The following TEX26 variants were observed in gnomAD, a reference collection of about 807,000 sequenced individuals.
TEX26 encodes the protein testis expressed 26.
Under a neutral mutation model 35.3 loss-of-function variants are expected in TEX26, and 34 were observed. The observed-to-expected ratio is 0.96, with a 90% CI of 0.73 to 1.28. TEX26 has a LOEUF of 1.28. Ranked by LOEUF, TEX26 falls within the 50% of genes most tolerant of loss-of-function variation. TEX26 has a pLI of 0.00. For synonymous variants in TEX26, 136 were observed against 111.8 expected (o/e 1.22, Z -1.36); for missense variants, 371 against 330.1 (o/e 1.12, Z -0.96).
At chr13:30,939,900 C>T (rs117121310) in intron 2 of TEX26, 122 bp downstream of exon 2, 42 of 851,528 alleles carry the variant, frequency 4.9e-5, no homozygotes, top group African/African-American at 2.2e-4. Context: ...CTCTTGGATA[C>T]GGGCTACTGT....
At chr13:30,966,461 G>C in intron 5 of TEX26, 63 bp downstream of exon 5, 5 of 1,300,772 alleles carry the variant, frequency 3.8e-6, no homozygotes, top group Non-Finnish European at 5.1e-6. Flanking sequence ...TTTTGAGACG[G>C]AGTTTCCCTC....
chr13:30,952,732 T>C lies in TEX26; in HGVS notation c.219T>C (p.Ser73=), dbSNP rs761329101. The change falls in exon 3 of 7, where the codon AGT becomes AGC. Residue 73 remains serine (S), a synonymous_variant. Transcript: ENST00000380473. ...SDPILNQTQY[S]DEYTWKSHSK... ...CTATTCTCAATCAGACACAATATAG[T>C]GATGAGTACACTTGGAAATCACACT... The C allele has an allele frequency of 1.9e-6, 3 of 1,612,902 alleles. No individual in the cohort carries two copies. The highest frequency in any genetic ancestry group is 2.2e-5 in the East Asian group (1 of 44,716).
chr13:30,956,346 C>T (rs1414496175), intron 3 of TEX26, among the ~76,000 whole-genome samples: 2 of 151,896 alleles, frequency 1.3e-5, no homozygotes, highest in African/African-American at 2.4e-5. Flanking sequence ...GACATGAACT[C>T]ATCATTTTTT....
intron 3 of TEX26, 108 bp from the exon 4 acceptor site, chr13:30,956,765 G>A (rs1954147495): frequency 9.7e-7 from 1 of 1,031,438 alleles, no homozygotes. Flanking sequence ...TGCAGTGGCA[G>A]CTGGTTGTAA....
intron 3 of TEX26, 40 bp from the exon 4 acceptor site, chr13:30,956,833 C>T (rs766448180): frequency 6.4e-7 from 1 of 1,572,820 alleles, no homozygotes; most frequent in Non-Finnish European, 8.7e-7. Flanking sequence ...ATTGGGTGAA[C>T]CCATATGGAT....
intron 2 of TEX26, among the ~76,000 whole-genome samples, chr13:30,946,119 C>A (rs1178160723): frequency 6.6e-6 from 1 of 151,882 alleles, no homozygotes; most frequent in East Asian, 1.9e-4. Flanking sequence ...TCTACATAAT[C>A]CCATATTTCT....
chr13:30,949,376 T>C (rs1333324483), intron 2 of TEX26, among the ~76,000 whole-genome samples: 1 of 152,156 alleles, frequency 6.6e-6, no homozygotes, highest in Non-Finnish European at 1.5e-5. Flanking sequence ...TTATACCATC[T>C]TTACCTAGTT....
intron 1 of TEX26, among the ~76,000 whole-genome samples, chr13:30,937,290 G>A (rs146685234): frequency 2.0e-5 from 3 of 152,320 alleles, no homozygotes; most frequent in East Asian, 1.9e-4. Flanking sequence ...ACAGAGGGGC[G>A]TGTCGTGCTT....
intron 5 of TEX26, among the ~76,000 whole-genome samples, chr13:30,967,042 T>C (rs1954563517): frequency 6.6e-6 from 1 of 152,198 alleles, no homozygotes; most frequent in South Asian, 2.1e-4. Flanking sequence ...ATGCAGTTGC[T>C]GTCAAGTGAC....
Position 30,954,110 on chromosome 13 carries a change from C to A in TEX26, c.312+1285C>A, listed in dbSNP as rs552437252. On this transcript the variant is annotated intron_variant, in intron 3 of 6. Transcript: ENST00000380473. ...GTTGGTTGAAGATGTGTCCAACAGG[C>A]AGTTTAATAGACAGGTCTGGAGCTC... 2.0e-5 allele frequency among the ~76,000 whole-genome samples: 3 copies of A among 152,040 alleles called. No individual in the cohort carries two copies. In the East Asian group the frequency reaches 5.8e-4, roughly 29 times the overall value.
Position 30,975,140 on chromosome 13 carries a change from T to C in TEX26, c.*233T>C, listed in dbSNP as rs1163610312. ...GTATCCAATAGTTTTTGATACAATGTTTTTTTCTTTTCCCTTTTGGATACT... is the reference window on the plus strand; with the variant it reads ...GTATCCAATAGTTTTTGATACAATGCTTTTTTCTTTTCCCTTTTGGATACT... On this transcript the variant is annotated 3_prime_UTR_variant, in exon 7 of 7. Transcript: ENST00000380473. The C allele has an allele frequency of 6.5e-6, 2 of 306,032 alleles. No individual in the cohort carries two copies. The highest frequency in any genetic ancestry group is 4.3e-5 in the African/African-American group (2 of 46,376). 19.0% of individuals were successfully genotyped at this position (306,032 alleles called of 1,614,324 possible).
intron 5 of TEX26, among the ~76,000 whole-genome samples, chr13:30,966,820 G>C (rs939240976): frequency 9.2e-5 from 14 of 152,174 alleles, no homozygotes; most frequent in Non-Finnish European, 2.1e-4. Flanking sequence ...GGCGCTGGCA[G>C]CCCGTTTTGG....
At chr13:30,962,341 T>A (rs535469245) in intron 4 of TEX26, among the ~76,000 whole-genome samples, 14 of 152,332 alleles carry the variant, frequency 9.2e-5, no homozygotes, top group Admixed American at 2.6e-4. Context: ...CCCACCCTCA[T>A]GACCTTGCCA....
chr13:30,947,975 T>C (rs1953776138), intron 2 of TEX26, among the ~76,000 whole-genome samples: 2 of 152,030 alleles, frequency 1.3e-5, no homozygotes, highest in African/African-American at 4.8e-5. Flanking sequence ...CACCCATGAG[T>C]GAGAACATGC....
chr13:30,962,052 C>G (rs559984540), intron 4 of TEX26, among the ~76,000 whole-genome samples: 7 of 152,212 alleles, frequency 4.6e-5, no homozygotes, highest in African/African-American at 1.7e-4. Flanking sequence ...CTCCTTCCCC[C>G]GGCAGCCGAT....
intron 2 of TEX26, among the ~76,000 whole-genome samples, chr13:30,947,574 T>A (rs1211909537): frequency 6.6e-6 from 1 of 152,148 alleles, no homozygotes; most frequent in Non-Finnish European, 1.5e-5. Flanking sequence ...CTTTGAGTTA[T>A]TCCCTGTCTC....
intron 2 of TEX26, among the ~76,000 whole-genome samples, chr13:30,947,395 G>A (rs1374981659): frequency 6.6e-6 from 1 of 152,032 alleles, no homozygotes; most frequent in Non-Finnish European, 1.5e-5. Flanking sequence ...ATAAGTAAGT[G>A]CAAATGAAAG....
At chr13:30,962,406 T>G (rs1437768018) in intron 4 of TEX26, among the ~76,000 whole-genome samples, 1 of 152,186 alleles carries the variant, frequency 6.6e-6, no homozygotes, top group Non-Finnish European at 1.5e-5. Flanking sequence ...CTTGTGCTGG[T>G]GGCACACATT....
chr13:30,952,655 T>TA lies in TEX26; in HGVS notation c.147-4dup, dbSNP rs776408182. 15 of 1,564,064 alleles carry TA rather than the reference T, an allele frequency of 9.6e-6. No individual in the cohort carries two copies. Among genetic ancestry groups the TA allele is most frequent in the Non-Finnish European group, 1.3e-5 (15 of 1,161,454 alleles). The stretch of plus-strand genomic sequence containing the variant: ...AACTCTAATTTCTGCTGGGTTTTTT[T>TA]ATAGCCAAAACGGTATCAGAAGATT... On this transcript the variant is annotated splice_region_variant and splice_polypyrimidine_tract_variant and intron_variant, in intron 2 of 6. Transcript: ENST00000380473.
Sources: gnomAD v4.1 joint callset for allele counts (sites outside exome capture counted in the v4.1 genomes callset) on GRCh38, gnomAD v4.1.1 for gene constraint, MANE v1.5 for transcripts, NCBI Gene and HGNC (gene_info 2026-07-23, HGNC 2026-07-21) for gene names.